Variants in WT1 observed in about 807,000 individuals in gnomAD.
The protein encoded by WT1 is WT1 transcription factor.
Under a neutral mutation model 60.8 loss-of-function variants are expected in WT1, and 8 were observed. That is an observed-to-expected ratio of 0.13 (90% CI 0.08 to 0.24). WT1 has a LOEUF of 0.24. Ranked by LOEUF, WT1 falls within the 10% of genes least tolerant of loss-of-function variation. The probability of loss-of-function intolerance (pLI) is 1.00; values close to 1 mark genes in which losing one functional copy is unlikely to be tolerated. For synonymous variants in WT1, 312 were observed against 297.1 expected (o/e 1.05, Z -0.52); for missense variants, 568 against 711.8 (o/e 0.80, Z 2.30).
Position 32,435,158 on chromosome 11 carries a change from C to G in WT1, c.203G>C (p.Gly68Ala). ...GGAGCCCATTTGCTGCGGCTCAGAC[C>G]CGGACGCCCCGCGGCTCCTCCGGCC... The change falls in exon 1 of 10, where the codon GGG becomes GCG. Residue 68 changes from glycine to alanine, a missense_variant. By Grantham distance (60) the Gly-to-Ala change is moderately conservative (BLOSUM62 0). This residue lies in a region of WT1 where 523 missense variants were observed against 565.1 expected (regional missense o/e 0.93). Coordinates refer to ENST00000452863, the MANE Select transcript of WT1 (RefSeq NM_024426.6). 1 of 1,521,694 alleles carries G rather than the reference C, an allele frequency of 6.6e-7. No individual in the cohort carries two copies. Among genetic ancestry groups the G allele is most frequent in the Non-Finnish European group, 8.8e-7 (1 of 1,140,552 alleles). The allele number at this position is 1,521,694 out of a possible 1,614,324, so 94.3% of individuals were successfully genotyped here.
chr11:32,416,395 G>C lies in WT1; in HGVS notation c.1016+95C>G, dbSNP rs1465620211. The stretch of plus-strand genomic sequence containing the variant: ...CTTCCCATCCACCAAATGCTACCCT[G>C]ATTACCCACGTCAGTCCTAACTCCT... On this transcript the variant is annotated intron_variant, in intron 5 of 9. Transcript: ENST00000452863. 10 of 1,497,388 alleles carry C rather than the reference G, an allele frequency of 6.7e-6. No individual in the cohort carries two copies. The East Asian group carries it at 2.0e-4, about 30-fold the overall frequency. 92.8% of individuals were successfully genotyped at this position (1,497,388 alleles called of 1,614,324 possible).
intron 4 of WT1, among the ~76,000 whole-genome samples, chr11:32,417,031 A>AT (rs1306164462): frequency 1.4e-4 from 21 of 151,610 alleles, no homozygotes; most frequent in Admixed American, 5.2e-4. Context: ...TCTTTTTTTT[A>AT]TTTTTTCATT....
At chr11:32,410,055 C>A (rs969893770) in intron 5 of WT1, among the ~76,000 whole-genome samples, 1 of 152,162 alleles carries the variant, frequency 6.6e-6, no homozygotes. Context: ...CTCAGCCTCC[C>A]GAGCAGCTGG....
intron 9 of WT1, 110 bp downstream of exon 9, chr11:32,391,862 T>C (rs906344134): frequency 1.7e-6 from 2 of 1,150,580 alleles, no homozygotes; most frequent in Non-Finnish European, 2.6e-6. Flanking sequence ...CAACTGAGTC[T>C]AAACCTTAGA....
chr11:32,395,120 C>A (rs1429598671), intron 7 of WT1, among the ~76,000 whole-genome samples: 1 of 152,220 alleles, frequency 6.6e-6, no homozygotes, highest in Non-Finnish European at 1.5e-5. Context: ...TAGCAAATTT[C>A]AATGGTCCAA....
intron 7 of WT1, among the ~76,000 whole-genome samples, chr11:32,392,973 A>T (rs1381095941): frequency 9.3e-6 from 1 of 107,562 alleles, no homozygotes; most frequent in South Asian, 2.8e-4. Flanking sequence ...CTCTGCCATT[A>T]AAAAAAAAAA....
At chr11:32,419,330 C>A (rs1271907683) in intron 3 of WT1, among the ~76,000 whole-genome samples, 1 of 152,196 alleles carries the variant, frequency 6.6e-6, no homozygotes, top group Admixed American at 6.5e-5. Context: ...TTTCATCAAG[C>A]AATCCATTTA....
intron 1 of WT1, among the ~76,000 whole-genome samples, chr11:32,432,551 G>A (rs370894399): frequency 1.3e-5 from 2 of 152,208 alleles, no homozygotes; most frequent in East Asian, 3.8e-4. Flanking sequence ...GGTGCTTCCA[G>A]GCTATATGAC....
chr11:32,431,434 CTT>C (rs756490733), intron 1 of WT1, among the ~76,000 whole-genome samples: 8 of 117,536 alleles, frequency 6.8e-5, no homozygotes, highest in East Asian at 5.5e-4. Flanking sequence ...CAGGCAACCT[CTT>C]TTTTTTTTTT....
At chr11:32,392,169 G>C (rs1851837825) in intron 8 of WT1, 105 bp from the exon 9 acceptor site, 5 of 978,250 alleles carry the variant, frequency 5.1e-6, no homozygotes, top group Non-Finnish European at 8.3e-6. Flanking sequence ...TTCCTGCCAT[G>C]CCTGCAATGT....
rs368486676 is a variant in WT1, at chr11:32,400,053, A to G, written c.1017-9T>C. 83 of 1,614,104 alleles carry G rather than the reference A, an allele frequency of 5.1e-5. No individual in the cohort carries two copies. In the East Asian group the frequency reaches 7.4e-4, roughly 14 times the overall value. On this transcript the variant is annotated splice_polypyrimidine_tract_variant and intron_variant, in intron 5 of 9. Transcript: ENST00000452863. Reference sequence around the variant, plus strand: ...CGTACCCTGTGCTGTGGCTGCAAACACAAAGAAGGGAAAAAGGCTCAGTGT... The same window carrying G: ...CGTACCCTGTGCTGTGGCTGCAAACGCAAAGAAGGGAAAAAGGCTCAGTGT...
intron 5 of WT1, among the ~76,000 whole-genome samples, chr11:32,416,233 CA>C (rs1346855072): frequency 1.3e-5 from 2 of 151,470 alleles, no homozygotes; most frequent in African/African-American, 4.9e-5. Flanking sequence ...GAAGTATTCA[CA>C]AAGAAATGAA....
chr11:32,430,504 T>A, intron 1 of WT1: 1 of 1,454,698 alleles, frequency 6.9e-7, no homozygotes, highest in Non-Finnish European at 9.0e-7. Flanking sequence ...AAATAGAAGC[T>A]ACGAAGAAGT....
At chr11:32,424,191 G>T (rs1288423594) in intron 3 of WT1, among the ~76,000 whole-genome samples, 1 of 147,074 alleles carries the variant, frequency 6.8e-6, no homozygotes, top group Non-Finnish European at 1.5e-5. Flanking sequence ...GTGATACATT[G>T]CCTATACAAG....
Position 32,396,292 on chromosome 11 carries a change from A to G in WT1, c.1229T>C (p.Leu410Pro). 1.9e-6 allele frequency: 3 copies of G among 1,614,234 alleles called. No homozygotes were observed. Among genetic ancestry groups the G allele is most frequent in the Non-Finnish European group, 2.5e-6 (3 of 1,180,050 alleles). The change falls in exon 7 of 10, where the codon CTG becomes CCG. Residue 410 changes from leucine (L) to proline (P), a missense_variant. Around this residue, in one of 3 missense-constraint regions of WT1, gnomAD observed 16 missense variants for 99.8 expected, o/e 0.16. Coordinates refer to ENST00000452863, the MANE Select transcript of WT1 (RefSeq NM_024426.6). The stretch of plus-strand genomic sequence containing the variant: ...CCTGCTGTGCATCTGTAAGTGGGAC[A>G]GCTTAAAATATCTCTTATTGCAGCC...
At chr11:32,396,130 G>A in intron 7 of WT1, 127 bp downstream of exon 7, 1 of 1,360,820 alleles carries the variant, frequency 7.3e-7, no homozygotes, top group Non-Finnish European at 1.0e-6. Context: ...ACAACACCTG[G>A]ATCAGACCTT....
intron 5 of WT1, among the ~76,000 whole-genome samples, chr11:32,407,553 C>T (rs12290546): frequency 0.4 from 60,213 of 151,984 alleles, 13,084 homozygotes; most frequent in East Asian, 0.72. Flanking sequence ...TCTTCACCTC[C>T]GTCTTCTCCC....
At chr11:32,390,471 G>A (rs1263673007) in intron 9 of WT1, among the ~76,000 whole-genome samples, 1 of 152,196 alleles carries the variant, frequency 6.6e-6, no homozygotes, top group Admixed American at 6.5e-5. Context: ...AGGCACCTGA[G>A]GAAGGGAAGC....
chr11:32,419,584 G>A (rs1317423065), intron 3 of WT1, among the ~76,000 whole-genome samples: 1 of 152,196 alleles, frequency 6.6e-6, no homozygotes, highest in Non-Finnish European at 1.5e-5. Flanking sequence ...ATGCAGAAGG[G>A]TGAATGAATC....
Sources: gnomAD v4.1 joint callset for allele counts (sites outside exome capture counted in the v4.1 genomes callset) on GRCh38, gnomAD v4.1.1 for gene constraint, gnomAD v4.1.1 regional missense constraint, MANE v1.5 for transcripts, NCBI Gene and HGNC (gene_info 2026-07-23, HGNC 2026-07-21) for gene names.